ASPM: variants seen among roughly 807,000 people sequenced by gnomAD.
ASPM encodes the protein abnormal spindle-like microcephaly-associated protein.
In ASPM, 256 loss-of-function variants were observed where a neutral mutation model predicts 366.4. The ratio of observed to expected loss-of-function variants is 0.70; its 90% confidence interval spans 0.63 to 0.77. The LOEUF is 0.77. Among genes scored for constraint, ASPM ranks in the 30% least tolerant of loss-of-function variants. The pLI is 0.00. For synonymous variants in ASPM, 1,414 were observed against 1,342.9 expected (o/e 1.05, Z -1.16); for missense variants, 4,146 against 4,090.4 (o/e 1.01, Z -0.37).
At chr1:197,109,952 G>A (rs1657534046) in intron 17 of ASPM, among the ~76,000 whole-genome samples, 1 of 152,048 alleles carries the variant, frequency 6.6e-6, no homozygotes, top group Non-Finnish European at 1.5e-5. Flanking sequence ...ATGGAGATAT[G>A]TATCACCTTT....
In ASPM at chr1:197,132,369, A is replaced by G. The variant is rs1658283401; in HGVS notation, c.2420-17T>C. On this transcript the variant is annotated splice_polypyrimidine_tract_variant and intron_variant, in intron 6 of 27. Transcript: ENST00000367409. ...GACGTTCTCCTGAAATGCATGTCAA[A>G]GGCAAATAAGTTCAAATTGATAATC... 1.9e-6 allele frequency: 3 copies of G among 1,608,548 alleles called. No homozygotes were observed. In the African/African-American group the frequency reaches 4.0e-5, roughly 22 times the overall value.
At position 197,104,952 on chromosome 1, in the gene ASPM, T is replaced by C; in HGVS notation, c.4299A>G (p.Lys1433=). Residue 1433 remains lysine (K), a synonymous_variant, in exon 18 of 28, where the codon AAA becomes AAG. Transcript: ENST00000367409. ...GTGATTGCATTTTACGTTGCTTCCA[T>C]TTTCTGAACATAGATTGGATTATAA... ...STLIIQSMFR[K]WKQRKMQSQV... The C allele has an allele frequency of 6.2e-7, 1 of 1,612,228 alleles. No homozygotes were observed. Among genetic ancestry groups the C allele is most frequent in the African/African-American group, 1.3e-5 (1 of 74,914 alleles).
chr1:197,145,452 A>G (rs1280341625), intron 1 of ASPM, among the ~76,000 whole-genome samples: 3 of 152,226 alleles, frequency 2.0e-5, no homozygotes, highest in African/African-American at 7.2e-5. Context: ...ACACGTATAT[A>G]TTGAAAACAA....
At chr1:197,126,159 G>C (rs1421378175) in intron 10 of ASPM, among the ~76,000 whole-genome samples, 1 of 152,124 alleles carries the variant, frequency 6.6e-6, no homozygotes, top group Non-Finnish European at 1.5e-5. Context: ...TGGGCTTTCT[G>C]GCCAGCCGCG....
At position 197,110,447 on chromosome 1, in the gene ASPM, G is replaced by T. The variant is rs115327883; in HGVS notation, c.4066-5262C>A. ...TACATCATAGGTCAAAATTTAGAATGAAAAATTATAAAACTTTTAGAGTAC... is the reference window on the plus strand; with the variant it reads ...TACATCATAGGTCAAAATTTAGAATTAAAAATTATAAAACTTTTAGAGTAC... On this transcript the variant is annotated intron_variant, in intron 17 of 27. Coordinates refer to ENST00000367409, the MANE Select transcript of ASPM (RefSeq NM_018136.5). 4.2e-3 allele frequency among the ~76,000 whole-genome samples: 643 copies of T among 152,064 alleles called. 5 individuals carry two copies. The highest frequency in any genetic ancestry group is 0.015 in the African/African-American group (627 of 41,530).
intron 10 of ASPM, among the ~76,000 whole-genome samples, chr1:197,125,909 GC>G (rs1349473248): frequency 3.3e-5 from 5 of 152,078 alleles, no homozygotes; most frequent in African/African-American, 1.2e-4. Flanking sequence ...ATAATTCTAG[GC>G]CAACCATCCA....
intron 4 of ASPM, among the ~76,000 whole-genome samples, chr1:197,138,386 T>A (rs1372593166): frequency 6.6e-6 from 1 of 151,918 alleles, no homozygotes; most frequent in African/African-American, 2.4e-5. Flanking sequence ...CGCTGCAACC[T>A]CCACCTCTGG....
rs759157352 is a variant in ASPM at position 197,086,788 on chromosome 1, T to C, written c.10331+15A>G. ...AACAGTGACACAAATTTATGGACTA[T>C]ATTTAATTGCTTACCTTGAAACTAT... On this transcript the variant is annotated intron_variant, in intron 27 of 27. Coordinates refer to ENST00000367409, the MANE Select transcript of ASPM (RefSeq NM_018136.5). The C allele has an allele frequency of 4.4e-6, 7 of 1,582,544 alleles. No homozygotes were observed. The highest frequency in any genetic ancestry group is 2.2e-5 in the East Asian group (1 of 44,550).
Position 197,143,965 on chromosome 1 carries a change from T to G in ASPM, c.433A>C (p.Lys145Gln). The G allele has an allele frequency of 6.2e-7, 1 of 1,606,402 alleles. No homozygotes were observed. Among genetic ancestry groups the G allele is most frequent in the Non-Finnish European group, 8.5e-7 (1 of 1,173,406 alleles). Residue 145 changes from lysine (K) to glutamine (Q), a missense_variant, in exon 2 of 28, where the codon AAG becomes CAG. By Grantham distance (53) the Lys-to-Gln change is moderately conservative. Coordinates refer to ENST00000367409, the MANE Select transcript of ASPM (RefSeq NM_018136.5). ...AATGGTTAAAACATTACCTTTTTCT[T>G]TTTCTGCTCTTCTGCATTTCCTAGT... ...ILLGNAEEQKKKKRSLWDTIK... is the reference protein window; with the variant it reads ...ILLGNAEEQKQKKRSLWDTIK...
At chr1:197,097,047 A>C (rs1348209219) in intron 18 of ASPM, among the ~76,000 whole-genome samples, 1 of 151,700 alleles carries the variant, frequency 6.6e-6, no homozygotes, top group Non-Finnish European at 1.5e-5. Flanking sequence ...GTGTAAGCAA[A>C]AACTCAGTTG....
chr1:197,127,456 A>G (rs939228872), intron 10 of ASPM, among the ~76,000 whole-genome samples: 3 of 152,190 alleles, frequency 2.0e-5, no homozygotes, highest in Non-Finnish European at 4.4e-5. Context: ...TCCTAAATAC[A>G]CAGAGAAAAA....
At chr1:197,089,625 T>A (rs1656710946) in intron 25 of ASPM, among the ~76,000 whole-genome samples, 1 of 152,102 alleles carries the variant, frequency 6.6e-6, no homozygotes, top group South Asian at 2.1e-4. Flanking sequence ...AGAGGATTAT[T>A]ATGAGGATTA....
chr1:197,140,302 G>GA (rs1211756350), intron 3 of ASPM, among the ~76,000 whole-genome samples: 1 of 152,216 alleles, frequency 6.6e-6, no homozygotes, highest in Non-Finnish European at 1.5e-5. Flanking sequence ...TAGGCATGAG[G>GA]AATGTGGCCT....
chr1:197,086,013 T>A (rs1331480651), intron 27 of ASPM, among the ~76,000 whole-genome samples: 1 of 152,180 alleles, frequency 6.6e-6, no homozygotes, highest in Non-Finnish European at 1.5e-5. Flanking sequence ...TTAAAAAACA[T>A]GTAGAAATGG....
chr1:197,143,467 T>C lies in ASPM; in HGVS notation c.785A>G (p.His262Arg). ...ASENRELLNV[H>R]SANVSKVSFN... ...AGAAACTTTTGAAACGTTGGCACTG[T>C]GTACATTTAATAGTTCCCTATTTTC... is the stretch of plus-strand genomic sequence containing the variant. Residue 262 changes from histidine (H) to arginine (R), a missense_variant, in exon 3 of 28, where the codon CAC (histidine) becomes CGC (arginine). Transcript: ENST00000367409. The C allele has an allele frequency of 6.2e-7, 1 of 1,614,054 alleles. No homozygotes were observed. The highest frequency in any genetic ancestry group is 8.5e-7 in the Non-Finnish European group (1 of 1,179,900).
intron 18 of ASPM, among the ~76,000 whole-genome samples, chr1:197,098,188 T>G (rs571285605): frequency 6.3e-4 from 92 of 147,144 alleles, no homozygotes; most frequent in African/African-American, 1.9e-3. Flanking sequence ...GAGAAGTTGA[T>G]ATATATATAT....
chr1:197,134,555 T>G (rs557479233), intron 5 of ASPM, among the ~76,000 whole-genome samples: 1 of 152,356 alleles, frequency 6.6e-6, no homozygotes, highest in African/African-American at 2.4e-5. Context: ...TTCATAAGAA[T>G]TTTTCCTTAT....
At chr1:197,132,462 A>G (rs1658287733) in intron 6 of ASPM, 110 bp from the exon 7 acceptor site, 2 of 821,688 alleles carry the variant, frequency 2.4e-6, no homozygotes, top group Non-Finnish European at 4.0e-6. Context: ...GCTTATATGA[A>G]ATAAGTTAAT....
At chr1:197,132,739 C>A (rs891828617) in intron 6 of ASPM, among the ~76,000 whole-genome samples, 49 of 148,854 alleles carry the variant, frequency 3.3e-4, no homozygotes, top group African/African-American at 1.1e-3. Flanking sequence ...CGTATATATA[C>A]AAATAAATAT....
Sources: gnomAD v4.1 joint callset for allele counts (sites outside exome capture counted in the v4.1 genomes callset) on GRCh38, gnomAD v4.1.1 for gene constraint, MANE v1.5 for transcripts, NCBI Gene and HGNC (gene_info 2026-07-23, HGNC 2026-07-21) for gene names.